The following TYW1B variants were observed in gnomAD, a reference collection of about 807,000 sequenced individuals.
TYW1B encodes tRNA-yW synthesizing protein 1 homolog B.
TYW1B carries 73 observed loss-of-function variants against 86.9 expected under a neutral mutation model. The ratio of observed to expected loss-of-function variants is 0.84; its 90% CI spans 0.70 to 1.02. TYW1B has a LOEUF of 1.02. Among genes scored for constraint, TYW1B ranks in the 50% least tolerant of loss-of-function variants. The pLI is 0.00. For synonymous variants in TYW1B, 248 were observed against 292.8 expected (o/e 0.85, Z 1.56); for missense variants, 637 against 827.4 (o/e 0.77, Z 2.82).
chr7:72,627,969 A>G (rs1349547661), intron 12 of TYW1B, among the ~76,000 whole-genome samples: 1 of 152,224 alleles, frequency 6.6e-6, no homozygotes, highest in Admixed American at 6.6e-5. Context: ...TTTAGGTATG[A>G]GCCCAGTACT....
At chr7:72,690,304 T>TA (rs1814115464) in intron 11 of TYW1B, among the ~76,000 whole-genome samples, 18 of 95,312 alleles carry the variant, frequency 1.9e-4, no homozygotes, top group East Asian at 4.7e-4. Context: ...TTCTCTTTTT[T>TA]TAAAAAAAGG....
At chr7:72,762,202 A>C (rs1554467309) in intron 7 of TYW1B, among the ~76,000 whole-genome samples, 2 of 152,130 alleles carry the variant, frequency 1.3e-5, no homozygotes, top group Non-Finnish European at 2.9e-5. Context: ...CCTGAGATGT[A>C]ATTAATTTTC....
chr7:72,608,857 T>C (rs1811862195), intron 13 of TYW1B, among the ~76,000 whole-genome samples: 1 of 152,170 alleles, frequency 6.6e-6, no homozygotes, highest in Admixed American at 6.5e-5. Flanking sequence ...TACAAAGGAA[T>C]AGCATGAGAA....
intron 12 of TYW1B, among the ~76,000 whole-genome samples, chr7:72,617,672 T>G (rs1812110286): frequency 6.6e-6 from 1 of 152,214 alleles, no homozygotes; most frequent in African/African-American, 2.4e-5. Flanking sequence ...TGGCCTAAAA[T>G]TATTCTTTAA....
intron 6 of TYW1B, among the ~76,000 whole-genome samples, chr7:72,779,315 A>G (rs1788008743): frequency 1.3e-5 from 2 of 152,296 alleles, no homozygotes; most frequent in African/African-American, 2.4e-5. Context: ...AGGATGGCCC[A>G]TAAGTTGCTG....
chr7:72,677,440 A>G (rs1554447662), intron 11 of TYW1B, among the ~76,000 whole-genome samples: 1 of 152,002 alleles, frequency 6.6e-6, no homozygotes, highest in African/African-American at 2.4e-5. Context: ...GAGCCACCAC[A>G]TCCTGAACTT....
chr7:72,680,555 G>A (rs1813850226), intron 11 of TYW1B, among the ~76,000 whole-genome samples: 1 of 152,122 alleles, frequency 6.6e-6, no homozygotes, highest in African/African-American at 2.4e-5. Flanking sequence ...GAGGTTTTGG[G>A]ACTTGGAACG....
intron 11 of TYW1B, among the ~76,000 whole-genome samples, chr7:72,631,218 A>G (rs539196263): frequency 6.6e-6 from 1 of 151,980 alleles, no homozygotes; most frequent in Admixed American, 6.6e-5. Flanking sequence ...CTTACTGGCT[A>G]AAAAAATAGA....
chr7:72,738,545 T>C (rs1227652532), intron 8 of TYW1B, among the ~76,000 whole-genome samples: 1 of 152,152 alleles, frequency 6.6e-6, no homozygotes, highest in Non-Finnish European at 1.5e-5. Context: ...AGGGAATGCT[T>C]AGCAACATCC....
At chr7:72,684,503 C>G (rs1190429611) in intron 11 of TYW1B, among the ~76,000 whole-genome samples, 1 of 152,002 alleles carries the variant, frequency 6.6e-6, no homozygotes, top group Non-Finnish European at 1.5e-5. Flanking sequence ...GAGAGAAATA[C>G]TTTTTCAGAC....
chr7:72,589,831 G>A (rs570843136), intron 13 of TYW1B, among the ~76,000 whole-genome samples: 2 of 152,272 alleles, frequency 1.3e-5, no homozygotes, highest in South Asian at 2.1e-4. Flanking sequence ...AGCTGAGATC[G>A]TGCCATTGCA....
chr7:72,755,261 A>C (rs1369244970), intron 7 of TYW1B, among the ~76,000 whole-genome samples: 3 of 151,698 alleles, frequency 2.0e-5, no homozygotes, highest in Non-Finnish European at 4.4e-5. Context: ...CTACAGAAAA[A>C]TTTAAAAATT....
chr7:72,812,947 C>T (rs1183140123), intron 3 of TYW1B, among the ~76,000 whole-genome samples: 1 of 152,112 alleles, frequency 6.6e-6, no homozygotes, highest in Non-Finnish European at 1.5e-5. Context: ...CAGCCTTGAC[C>T]TCTCAACTTG....
rs547407089 is a variant in TYW1B at position 72,592,158 on chromosome 7, G to GT, written c.1786-16440dup. On this transcript the variant is annotated intron_variant, in intron 13 of 13. Coordinates refer to ENST00000620995, the MANE Select transcript of TYW1B (RefSeq NM_001145440.3). ...GTTTTCTATGTTAACACACTAATGTGTTAAAAAAAAAAAAAAAAAAAAAAA... is the reference window on the plus strand; with the variant it reads ...GTTTTCTATGTTAACACACTAATGTGTTTAAAAAAAAAAAAAAAAAAAAAAA... Among the ~76,000 whole-genome samples the GT allele has an allele frequency of 7.3e-3, 708 of 96,490 alleles. 11 individuals are homozygous for GT. The highest frequency in any genetic ancestry group is 0.022 in the Middle Eastern group (3 of 134). 63.3% of individuals were successfully genotyped at this position (96,490 alleles called of 152,430 possible).
chr7:72,691,155 T>C (rs1814148235), intron 11 of TYW1B, among the ~76,000 whole-genome samples: 1 of 151,826 alleles, frequency 6.6e-6, no homozygotes, highest in South Asian at 2.1e-4. Context: ...CTTAATAGCA[T>C]CTACTATGTC....
chr7:72,663,637 G>A (rs1273322534), intron 11 of TYW1B, among the ~76,000 whole-genome samples: 5 of 151,392 alleles, frequency 3.3e-5, no homozygotes, highest in South Asian at 2.1e-4. Flanking sequence ...GGTGGCAGGC[G>A]CCTGTAGTCC....
intron 13 of TYW1B, among the ~76,000 whole-genome samples, chr7:72,581,959 G>A (rs1200321055): frequency 6.6e-6 from 1 of 152,000 alleles, no homozygotes; most frequent in African/African-American, 2.4e-5. Context: ...AGTAGAGATG[G>A]GGTTTCACCA....
chr7:72,818,493 C>T (rs1271594738), intron 2 of TYW1B, among the ~76,000 whole-genome samples: 2 of 144,680 alleles, frequency 1.4e-5, no homozygotes, highest in East Asian at 2.1e-4. Context: ...GTGGAAGGAT[C>T]GCTTGAGCCT....
intron 13 of TYW1B, among the ~76,000 whole-genome samples, chr7:72,592,640 A>G (rs1335937602): frequency 6.6e-6 from 1 of 152,240 alleles, no homozygotes. Flanking sequence ...ATTCTATGCT[A>G]TCTACAATAG....
Sources: allele counts gnomAD v4.1 joint callset (sites outside exome capture counted in the v4.1 genomes callset), GRCh38; gene constraint gnomAD v4.1.1; transcripts MANE v1.5; gene names NCBI Gene and HGNC (gene_info 2026-07-23, HGNC 2026-07-21).